Variants in TECRL observed in about 807,000 individuals in gnomAD.
TECRL encodes the protein trans-2,3-enoyl-CoA reductase-like.
TECRL carries 63 observed loss-of-function variants against 52.8 expected under a neutral mutation model. The observed-to-expected ratio is 1.19, with a 90% CI of 0.97 to 1.47. The LOEUF (loss-of-function observed/expected upper bound fraction) is 1.47. TECRL is among the 40% of genes most tolerant of loss of function. TECRL has a pLI of 0.00. For synonymous variants in TECRL, 164 were observed against 141.9 expected (o/e 1.16, Z -1.10); for missense variants, 482 against 429.6 (o/e 1.12, Z -1.08).
chr4:64,308,149 CAGATAG>C (rs780632471), intron 6 of TECRL, among the ~76,000 whole-genome samples: 7 of 152,038 alleles, frequency 4.6e-5, no homozygotes, highest in Non-Finnish European at 8.8e-5. Flanking sequence ...GCTGATTAGG[CAGATAG>C]AGATAGAAGG....
intron 2 of TECRL, among the ~76,000 whole-genome samples, chr4:64,343,585 G>GACAC (rs146974193): frequency 0.012 from 1,821 of 149,238 alleles, 30 homozygotes; most frequent in African/African-American, 0.042. Context: ...CACACACACA[G>GACAC]ACACACACAC....
At position 64,309,946 on chromosome 4, in the gene TECRL, A is replaced by T. The variant is rs758381680; in HGVS notation, c.552-15T>A. On this transcript the variant is annotated splice_polypyrimidine_tract_variant and intron_variant, in intron 5 of 11. Coordinates refer to ENST00000381210, the MANE Select transcript of TECRL (RefSeq NM_001010874.5). ...AGCAAGCCAAGCTGGAAAAAAAAAT[A>T]AAACATAAACATGAAAATCCTTTTG... The T allele has an allele frequency of 5.3e-6, 8 of 1,509,014 alleles. No homozygotes were observed. The highest frequency in any genetic ancestry group is 3.8e-5 in the Admixed American group (2 of 52,486). The allele number at this position is 1,509,014 out of a possible 1,614,324, so 93.5% of individuals were successfully genotyped here.
chr4:64,394,983 G>A (rs1201685752), intron 1 of TECRL, among the ~76,000 whole-genome samples: 2 of 139,658 alleles, frequency 1.4e-5, no homozygotes, highest in African/African-American at 5.5e-5. Flanking sequence ...CACAATCTCA[G>A]CTCACCACAA....
intron 2 of TECRL, among the ~76,000 whole-genome samples, chr4:64,367,724 A>G (rs567584022): frequency 1.3e-5 from 2 of 152,262 alleles, no homozygotes; most frequent in South Asian, 4.1e-4. Context: ...ATAACAGTAT[A>G]TGGTATAAAA....
chr4:64,367,697 T>C (rs1234279885), intron 2 of TECRL, among the ~76,000 whole-genome samples: 1 of 152,120 alleles, frequency 6.6e-6, no homozygotes, highest in Non-Finnish European at 1.5e-5. Context: ...TGATCTTTTG[T>C]CTAAAATTGA....
intron 2 of TECRL, among the ~76,000 whole-genome samples, chr4:64,364,654 A>G (rs764768512): frequency 5.9e-5 from 9 of 152,180 alleles, no homozygotes; most frequent in Non-Finnish European, 8.8e-5. Context: ...AACACCTAGA[A>G]GAAATCGATA....
chr4:64,333,893 G>A lies in TECRL; in HGVS notation c.287-5337C>T, dbSNP rs1026045986. 1.6e-4 allele frequency among the ~76,000 whole-genome samples: 22 copies of A among 141,254 alleles called. 2 individuals carry two copies. In the East Asian group the frequency reaches 2.4e-3, roughly 15 times the overall value. 92.7% of individuals were successfully genotyped at this position (141,254 alleles called of 152,430 possible). A position where few individuals can be genotyped will look rare whatever the true frequency, so the allele number is the denominator to read the frequency against. On this transcript the variant is annotated intron_variant, in intron 2 of 11. Transcript: ENST00000381210. ...AAAAAAATTAGCCGGGCGCGGTGGC[G>A]GGCGCCTGTAGTCCCAGCTACTCGG...
intron 8 of TECRL, among the ~76,000 whole-genome samples, chr4:64,290,620 C>A (rs557127253): frequency 2.9e-4 from 44 of 152,104 alleles, no homozygotes; most frequent in Middle Eastern, 3.4e-3. Flanking sequence ...TCTTTTCAAC[C>A]ATTTCTGTAT....
intron 3 of TECRL, among the ~76,000 whole-genome samples, chr4:64,327,928 C>T (rs1560502634): frequency 1.3e-5 from 2 of 151,802 alleles, no homozygotes; most frequent in South Asian, 4.1e-4. Context: ...GTACATGCTA[C>T]CCACAGCTTT....
intron 1 of TECRL, among the ~76,000 whole-genome samples, chr4:64,401,025 G>A (rs1003881224): frequency 6.6e-6 from 1 of 152,164 alleles, no homozygotes; most frequent in African/African-American, 2.4e-5. Context: ...AGCCTAAGCA[G>A]ATCCCAATAC....
At chr4:64,405,172 T>G (rs1377802823) in intron 1 of TECRL, among the ~76,000 whole-genome samples, 1 of 152,120 alleles carries the variant, frequency 6.6e-6, no homozygotes, top group Non-Finnish European at 1.5e-5. Flanking sequence ...GCTCTCTTAG[T>G]AGTCAGGAAA....
intron 1 of TECRL, among the ~76,000 whole-genome samples, chr4:64,378,169 A>G (rs780305864): frequency 1.3e-4 from 20 of 152,180 alleles, no homozygotes; most frequent in Non-Finnish European, 2.6e-4. Flanking sequence ...CTACGTAAAC[A>G]GAGCTGTTTT....
At chr4:64,297,277 A>G (rs1360370741) in intron 8 of TECRL, among the ~76,000 whole-genome samples, 2 of 151,428 alleles carry the variant, frequency 1.3e-5, no homozygotes, top group Non-Finnish European at 3.0e-5. Context: ...CTACAACTCT[A>G]TTCAACATGG....
chr4:64,378,293 TGG>T (rs968761343), intron 1 of TECRL, among the ~76,000 whole-genome samples: 5 of 152,070 alleles, frequency 3.3e-5, no homozygotes, highest in African/African-American at 1.2e-4. Context: ...AGGCCAGACT[TGG>T]TGGCTCAGGC....
Position 64,281,081 on chromosome 4 carries a change from T to G in TECRL, c.924A>C (p.Gly308=). ...TCATGACTGTGAAACTAATCCATGA[T>G]CCAATCTGTTATATTAAAACTTAAA... ...VSCPNYTYEI[G]SWISFTVMTQ... Residue 308 remains glycine (G), a synonymous_variant, in exon 11 of 12, where the codon GGA becomes GGC. Coordinates refer to ENST00000381210, the MANE Select transcript of TECRL (RefSeq NM_001010874.5). 6.2e-7 allele frequency: 1 copy of G among 1,601,280 alleles called. No individual in the cohort carries two copies. The highest frequency in any genetic ancestry group is 8.5e-7 in the Non-Finnish European group (1 of 1,171,798).
chr4:64,354,482 T>C (rs1468542061), intron 2 of TECRL, among the ~76,000 whole-genome samples: 1 of 152,042 alleles, frequency 6.6e-6, no homozygotes, highest in East Asian at 1.9e-4. Context: ...TCTAGAAAAT[T>C]TTTCCAAAAT....
intron 2 of TECRL, among the ~76,000 whole-genome samples, chr4:64,336,419 T>A (rs1403552190): frequency 6.6e-6 from 1 of 152,192 alleles, no homozygotes; most frequent in African/African-American, 2.4e-5. Flanking sequence ...TTAGTCTTGC[T>A]AGTGGTCTAT....
At chr4:64,375,090 T>C (rs956220375) in intron 2 of TECRL, 82 bp downstream of exon 2, 18 of 633,098 alleles carry the variant, frequency 2.8e-5, no homozygotes, top group Middle Eastern at 4.7e-4. Flanking sequence ...CACTCTAACA[T>C]ATATTGCACT....
chr4:64,390,365 A>G (rs750893880), intron 1 of TECRL, among the ~76,000 whole-genome samples: 1 of 151,908 alleles, frequency 6.6e-6, no homozygotes, highest in African/African-American at 2.4e-5. Context: ...GTCAAAGTGG[A>G]GCATGATCAT....
Sources: gnomAD v4.1 joint callset for allele counts (sites outside exome capture counted in the v4.1 genomes callset) on GRCh38, gnomAD v4.1.1 for gene constraint, MANE v1.5 for transcripts, NCBI Gene and HGNC (gene_info 2026-07-23, HGNC 2026-07-21) for gene names.